The following ZNF600 variants were observed in gnomAD, a reference collection of about 807,000 sequenced individuals.
ZNF600 encodes the protein zinc finger protein 600.
ZNF600 carries 4 observed loss-of-function variants against 7.3 expected under a neutral mutation model. The ratio of observed to expected loss-of-function variants is 0.55; its 90% CI spans 0.27 to 1.25. ZNF600 has a LOEUF of 1.25. Ranked by LOEUF, ZNF600 falls within the 50% of genes most tolerant of loss-of-function variation. The pLI, the probability that ZNF600 is intolerant of heterozygous loss-of-function variation, is 0.12. For synonymous variants in ZNF600, 290 were observed against 308.9 expected, an observed-to-expected ratio of 0.94 and a Z score of 0.64; for missense variants, 911 against 922.1, an observed-to-expected ratio of 0.99 and a Z score of 0.16.
chr19:52,790,242 T>A (rs1036827999), upstream of ZNF600, among the ~76,000 whole-genome samples: 1 of 152,186 alleles, frequency 6.6e-6, no homozygotes, highest in African/African-American at 2.4e-5. Context: ...CCCACGCCTT[T>A]AATTCCAGCA....
At chr19:52,776,903 A>G (rs1261727759) in intron 2 of ZNF600, among the ~76,000 whole-genome samples, 2 of 152,184 alleles carry the variant, frequency 1.3e-5, no homozygotes, top group East Asian at 3.9e-4. Flanking sequence ...CTGAGGCAAC[A>G]GAATCACTGT....
the ZNF600 span, among the ~76,000 whole-genome samples, chr19:52,819,675 G>A: frequency 1.4e-5 from 2 of 140,166 alleles, no homozygotes; most frequent in Non-Finnish European, 3.0e-5. Context: ...TCTTACATGG[G>A]GGCCTGGAAG....
chr19:52,808,915 C>T, the ZNF600 span, among the ~76,000 whole-genome samples: 3 of 152,056 alleles, frequency 2.0e-5, no homozygotes, highest in Non-Finnish European at 4.4e-5. Context: ...TCACAAAACA[C>T]TAGATGTGAA....
At chr19:52,795,877 T>G in the ZNF600 span, among the ~76,000 whole-genome samples, 1 of 151,914 alleles carries the variant, frequency 6.6e-6, no homozygotes, top group Admixed American at 6.6e-5. Flanking sequence ...TTTTTTTTTT[T>G]TTTAATTAAG....
the ZNF600 span, among the ~76,000 whole-genome samples, chr19:52,831,414 A>G: frequency 2.0e-5 from 3 of 151,994 alleles, no homozygotes; most frequent in Non-Finnish European, 4.4e-5. Context: ...GGTTTAAGCA[A>G]TTCTCTTGCC....
chr19:52,807,944 C>G, the ZNF600 span: 8 of 1,607,930 alleles, frequency 5.0e-6, no homozygotes, highest in African/African-American at 9.4e-5. Flanking sequence ...ATGTGGCTCC[C>G]AAGAGGCAAC....
chr19:52,826,654 C>T, the ZNF600 span, among the ~76,000 whole-genome samples: 4 of 151,774 alleles, frequency 2.6e-5, no homozygotes, highest in Non-Finnish European at 4.4e-5. Context: ...TGCAGTGAGC[C>T]GAGACCACAC....
Position 52,766,651 on chromosome 19 carries a change from G to C in ZNF600, c.1312C>G (p.His438Asp), listed in dbSNP as rs199684153. ...TGATGGCATACAAGGGATGACTTGTGACTGAAGGTCTTGCCACACTCATTA... is the reference window on the plus strand; with the variant it reads ...TGATGGCATACAAGGGATGACTTGTCACTGAAGGTCTTGCCACACTCATTA... The change falls in exon 4 of 4, where the codon CAC becomes GAC. Residue 438 changes from histidine to aspartate, a missense_variant. His to Asp is a moderately conservative substitution (Grantham distance 81). Transcript: ENST00000648973. 95 of 1,613,996 alleles carry C rather than the reference G, an allele frequency of 5.9e-5. No individual in the cohort carries two copies. The highest frequency in any genetic ancestry group is 1.3e-5 in the African/African-American group (1 of 74,914).
the ZNF600 span, among the ~76,000 whole-genome samples, chr19:52,812,498 T>C: frequency 1.1e-4 from 13 of 123,726 alleles, no homozygotes; most frequent in Non-Finnish European, 1.5e-4. Flanking sequence ...ACATGTGCTG[T>C]GTCCACTCAG....
chr19:52,773,609 C>T (rs1392886794), intron 3 of ZNF600, among the ~76,000 whole-genome samples: 4 of 152,014 alleles, frequency 2.6e-5, no homozygotes, highest in Admixed American at 1.3e-4. Context: ...CAGTGGCTCA[C>T]GTCTGTAATC....
At position 52,765,920 on chromosome 19, in the gene ZNF600, AC is replaced by A. The variant is rs767039187; in HGVS notation, c.2042del (p.Cys681LeufsTer70). On this transcript the variant is annotated frameshift_variant, in exon 4 of 4. Coordinates refer to ENST00000648973, the Ensembl canonical transcript of ZNF600. LOFTEE classifies it low-confidence loss of function (END_TRUNC). Reference sequence around the variant, plus strand: ...GATTAAAAGCCTTCCCACATTCATTACACTTGTAAGGTTTCTCTGCAGTGTG... The same window carrying A: ...GATTAAAAGCCTTCCCACATTCATTAACTTGTAAGGTTTCTCTGCAGTGTG... The A allele has an allele frequency of 8.1e-6, 13 of 1,614,042 alleles. No individual in the cohort carries two copies. The highest frequency in any genetic ancestry group is 1.7e-5 in the Admixed American group (1 of 60,002).
intron 3 of ZNF600, among the ~76,000 whole-genome samples, chr19:52,768,519 GGAC>G (rs2062607203): frequency 6.6e-6 from 1 of 151,482 alleles, no homozygotes. Flanking sequence ...TATCCACACA[GGAC>G]AGGCACTTAA....
At chr19:52,817,263 T>G in the ZNF600 span, among the ~76,000 whole-genome samples, 5 of 152,052 alleles carry the variant, frequency 3.3e-5, no homozygotes, top group African/African-American at 4.8e-5. Flanking sequence ...TGCCAGCTAC[T>G]CGGGAGGCTG....
the ZNF600 span, chr19:52,800,473 G>C: frequency 6.2e-7 from 1 of 1,613,606 alleles, no homozygotes; most frequent in Non-Finnish European, 8.5e-7. Context: ...TGAAGTCTAT[G>C]ATGGCGTGCA....
At chr19:52,806,246 T>C in the ZNF600 span, among the ~76,000 whole-genome samples, 2 of 151,982 alleles carry the variant, frequency 1.3e-5, no homozygotes, top group Non-Finnish European at 2.9e-5. Context: ...CATGCTGGAG[T>C]GCAACGGTGC....
At chr19:52,786,874 G>A (rs1206397749), upstream of ZNF600, 1 of 203,376 alleles carries the variant, frequency 4.9e-6, no homozygotes, top group South Asian at 5.4e-5. Context: ...CTTTAGAACC[G>A]GCAGAGGGAG....
the ZNF600 span, among the ~76,000 whole-genome samples, chr19:52,825,743 C>T: frequency 1.3e-5 from 2 of 151,372 alleles, no homozygotes; most frequent in South Asian, 2.1e-4. Context: ...CCCAGCACTT[C>T]GGGAGGCTGA....
At chr19:52,814,099 G>A in the ZNF600 span, among the ~76,000 whole-genome samples, 4,765 of 146,160 alleles carry the variant, frequency 0.033, 926 homozygotes, top group African/African-American at 0.12. Context: ...AGAAATACAC[G>A]TGTACAAGAC....
intron 2 of ZNF600, among the ~76,000 whole-genome samples, chr19:52,775,823 T>C (rs1336781867): frequency 6.6e-6 from 1 of 151,992 alleles, no homozygotes; most frequent in Non-Finnish European, 1.5e-5. Flanking sequence ...CTTGGGAACA[T>C]GCTGAAACCC....
Sources: gnomAD v4.1 joint callset for allele counts (sites outside exome capture counted in the v4.1 genomes callset) on GRCh38, gnomAD v4.1.1 for gene constraint, MANE v1.5 for transcripts, NCBI Gene and HGNC (gene_info 2026-07-23, HGNC 2026-07-21) for gene names.